Variants in OR2C1 observed in about 807,000 individuals in gnomAD.
OR2C1 encodes the protein olfactory receptor family 2 subfamily C member 1.
For missense variants in OR2C1, 468 were observed against 388.3 expected, an observed-to-expected ratio of 1.21 and a Z score of -1.73; for synonymous variants, 209 against 167.3, an observed-to-expected ratio of 1.25 and a Z score of -1.92.
At chr16:3,342,583 G>C in the OR2C1 span, among the ~76,000 whole-genome samples, 1 of 151,966 alleles carries the variant, frequency 6.6e-6, no homozygotes, top group Admixed American at 6.6e-5. Flanking sequence ...GAATAATACT[G>C]AACAATAAAA....
chr16:3,338,800 T>G, the OR2C1 span, among the ~76,000 whole-genome samples: 34 of 152,116 alleles, frequency 2.2e-4, no homozygotes. Context: ...CCTCCCAAAG[T>G]GCTGGGATTA....
Position 3,356,260 on chromosome 16 carries a change from T to TG in OR2C1, c.325dup (p.Ala109GlyfsTer13), listed in dbSNP as rs776924745. On this transcript the variant is annotated frameshift_variant, in exon 1 of 1. Coordinates refer to ENST00000304936, the MANE Select transcript of OR2C1 (RefSeq NM_012368.3). LOFTEE classifies it low-confidence loss of function (END_TRUNC). ...ACCCAGCTCTATGTCTTCCTTTGGC[T>TG]GGGGGCCACCGAGTGCATCCTGCTG... 3.1e-6 allele frequency: 5 copies of TG among 1,613,904 alleles called. No homozygotes were observed. The highest frequency in any genetic ancestry group is 4.2e-6 in the Non-Finnish European group (5 of 1,180,038).
At chr16:3,325,597 A>G in the OR2C1 span, among the ~76,000 whole-genome samples, 2 of 150,668 alleles carry the variant, frequency 1.3e-5, no homozygotes, top group Admixed American at 1.3e-4. Context: ...GCTTGCCACA[A>G]ACCTTCAATT....
chr16:3,330,724 G>C, the OR2C1 span, among the ~76,000 whole-genome samples: 3 of 151,970 alleles, frequency 2.0e-5, no homozygotes, highest in African/African-American at 7.3e-5. Flanking sequence ...AAGAACATTT[G>C]AATTATTCTC....
At chr16:3,335,310 G>A in the OR2C1 span, among the ~76,000 whole-genome samples, 77 of 152,088 alleles carry the variant, frequency 5.1e-4, no homozygotes, top group Admixed American at 2.6e-3. Flanking sequence ...CAATACATGA[G>A]TATGGAATAT....
At chr16:3,323,081 G>A in the OR2C1 span, 3 of 506,796 alleles carry the variant, frequency 5.9e-6, no homozygotes, top group Non-Finnish European at 9.3e-6. Context: ...TGAAGATAAA[G>A]CAGGAAATAG....
At chr16:3,335,744 C>G in the OR2C1 span, among the ~76,000 whole-genome samples, 294 of 152,042 alleles carry the variant, frequency 1.9e-3, no homozygotes, top group African/African-American at 6.7e-3. Context: ...CAAGACTGGG[C>G]TACTACTTTT....
the OR2C1 span, among the ~76,000 whole-genome samples, chr16:3,337,327 T>A: frequency 2.0e-5 from 3 of 151,682 alleles, no homozygotes; most frequent in Admixed American, 6.6e-5. Flanking sequence ...GCTAATTTTT[T>A]AATTTTTTTG....
In OR2C1 at chr16:3,356,611, C is replaced by T. The variant is rs1163430324; in HGVS notation, c.671C>T (p.Ala224Val). 1 of 1,614,160 alleles carries T rather than the reference C, an allele frequency of 6.2e-7. No homozygotes were observed. The highest frequency in any genetic ancestry group is 1.1e-5 in the South Asian group (1 of 91,092). ...IVISYCLIAQ[A>V]VLKIRSAEGR... is the part of the protein sequence containing the mutation. ...ATCTCCTACTGCCTCATTGCTCAGG[C>T]AGTGCTGAAAATCCGCTCTGCAGAG... The change falls in exon 1 of 1, where the codon GCA (alanine) becomes GTA (valine). Residue 224 changes from alanine to valine, a missense_variant. Coordinates refer to ENST00000304936, the MANE Select transcript of OR2C1 (RefSeq NM_012368.3).
the OR2C1 span, among the ~76,000 whole-genome samples, chr16:3,335,612 C>T: frequency 4.7e-5 from 7 of 149,090 alleles, no homozygotes; most frequent in Admixed American, 4.7e-4. Context: ...CTGCAACCTC[C>T]ACCTCCTGGG....
the OR2C1 span, among the ~76,000 whole-genome samples, chr16:3,336,678 T>TC: frequency 7.0e-6 from 1 of 143,014 alleles, no homozygotes; most frequent in Non-Finnish European, 1.5e-5. Context: ...CTTTTTCTTT[T>TC]TTTTTTTTTC....
rs778745993 is a variant in OR2C1, at chr16:3,355,988, C to T, written c.48C>T (p.Gly16=). ...CCTTGCAGGGCTTTGTTCTGATGGG[C>T]ATATCAGACCATCCCCAGCTGGAGA... ...DSSLQGFVLM[G]ISDHPQLEMI... is the part of the protein sequence containing the mutation. Residue 16 remains glycine (G), a synonymous_variant, in exon 1 of 1, where the codon GGC becomes GGT. Transcript: ENST00000304936. 1.2e-6 allele frequency: 2 copies of T among 1,613,694 alleles called. No individual in the cohort carries two copies. Among genetic ancestry groups the T allele is most frequent in the Non-Finnish European group, 1.7e-6 (2 of 1,179,784 alleles).
At chr16:3,337,950 C>T in the OR2C1 span, among the ~76,000 whole-genome samples, 1,710 of 152,290 alleles carry the variant, frequency 0.011, 34 homozygotes, top group African/African-American at 0.039. Flanking sequence ...CCATGCCTCC[C>T]CACAAGCTGC....
chr16:3,323,371 C>A, the OR2C1 span: 305 of 1,034,692 alleles, frequency 2.9e-4, no homozygotes, highest in African/African-American at 4.2e-3. Flanking sequence ...TGAGGTCTTC[C>A]AAGCAAATGA....
upstream of OR2C1, among the ~76,000 whole-genome samples, chr16:3,355,548 G>A (rs767530325): frequency 4.0e-5 from 6 of 151,382 alleles, no homozygotes; most frequent in Non-Finnish European, 8.8e-5. Flanking sequence ...TTGGGAGGCT[G>A]AGGCAGATGG....
At chr16:3,323,549 T>C in the OR2C1 span, 1 of 753,868 alleles carries the variant, frequency 1.3e-6, no homozygotes, top group Non-Finnish European at 2.4e-6. Context: ...TTTTAGGTTC[T>C]GGGGGGTGAC....
chr16:3,336,378 T>C, the OR2C1 span, among the ~76,000 whole-genome samples: 1 of 152,156 alleles, frequency 6.6e-6, no homozygotes, highest in Non-Finnish European at 1.5e-5. Flanking sequence ...TTTCTTTTTT[T>C]TGAGATTGAG....
At chr16:3,323,163 T>C in the OR2C1 span, 3 of 597,538 alleles carry the variant, frequency 5.0e-6, no homozygotes, top group Middle Eastern at 4.8e-4. Context: ...TGATAAAAAT[T>C]TACTGCAGTT....
At position 3,356,283 on chromosome 16, in the gene OR2C1, CTGG is replaced by C; in HGVS notation, c.349_351del (p.Val117del). On this transcript the variant is annotated inframe_deletion, in exon 1 of 1. Coordinates refer to ENST00000304936, the MANE Select transcript of OR2C1 (RefSeq NM_012368.3). ...GCTGGGGGCCACCGAGTGCATCCTG[CTGG>C]TGGTGATGGCATTTGACCGCTACGT... 1 of 1,613,768 alleles carries C rather than the reference CTGG, an allele frequency of 6.2e-7. No individual in the cohort carries two copies. The highest frequency in any genetic ancestry group is 8.5e-7 in the Non-Finnish European group (1 of 1,179,992).
Sources: gnomAD v4.1 joint callset for allele counts (sites outside exome capture counted in the v4.1 genomes callset) on GRCh38, gnomAD v4.1.1 for gene constraint, MANE v1.5 for transcripts, NCBI Gene and HGNC (gene_info 2026-07-23, HGNC 2026-07-21) for gene names.